CFAP20DC: variants seen among roughly 807,000 people sequenced by gnomAD.
CFAP20DC encodes the protein CFAP20 domain containing.
In CFAP20DC, 84 loss-of-function variants were observed where a neutral mutation model predicts 101.7. The observed-to-expected ratio is 0.83, with a 90% CI of 0.69 to 0.99. The LOEUF (loss-of-function observed/expected upper bound fraction) is 0.99, where lower values mean the gene tolerates loss of function less well. Ranked by LOEUF, CFAP20DC falls within the 50% of genes least tolerant of loss-of-function variation. The pLI is 0.00. For missense variants in CFAP20DC, 1,007 were observed against 970.3 expected, an observed-to-expected ratio of 1.04 and a Z score of -0.50; for synonymous variants, 359 against 351.2, an observed-to-expected ratio of 1.02 and a Z score of -0.25.
intron 3 of CFAP20DC, among the ~76,000 whole-genome samples, chr3:59,045,442 C>T (rs908928815): frequency 4.6e-5 from 7 of 151,812 alleles, no homozygotes; most frequent in Admixed American, 1.3e-4. Flanking sequence ...AAACATAGGA[C>T]GTAGTTGATG....
chr3:58,835,596 T>A (rs545504796), intron 13 of CFAP20DC, among the ~76,000 whole-genome samples: 185 of 152,308 alleles, frequency 1.2e-3, no homozygotes, highest in African/African-American at 3.9e-3. Context: ...ATGACTTTAT[T>A]TCATACAACA....
chr3:58,769,439 T>C (rs956865433), intron 15 of CFAP20DC, among the ~76,000 whole-genome samples: 4 of 152,210 alleles, frequency 2.6e-5, no homozygotes, highest in Non-Finnish European at 1.5e-5. Context: ...CTGGCCATCA[T>C]GTCTGACTTC....
At chr3:58,785,779 TAAG>T (rs145048639) in intron 15 of CFAP20DC, among the ~76,000 whole-genome samples, 1 of 152,212 alleles carries the variant, frequency 6.6e-6, no homozygotes, top group African/African-American at 2.4e-5. Flanking sequence ...CAAAGGCAAT[TAAG>T]AAGAAGCAAA....
At chr3:58,998,220 C>A (rs953511986) in intron 4 of CFAP20DC, among the ~76,000 whole-genome samples, 1 of 152,128 alleles carries the variant, frequency 6.6e-6, no homozygotes, top group African/African-American at 2.4e-5. Flanking sequence ...AGGAGGGACC[C>A]TCTCAATACA....
chr3:58,764,777 A>T (rs2070105727), intron 15 of CFAP20DC, among the ~76,000 whole-genome samples: 1 of 152,068 alleles, frequency 6.6e-6, no homozygotes, highest in African/African-American at 2.4e-5. Flanking sequence ...CTCTGAGCAC[A>T]TGCAGGAAGG....
At chr3:58,838,792 T>C (rs907236406) in intron 13 of CFAP20DC, among the ~76,000 whole-genome samples, 15 of 152,162 alleles carry the variant, frequency 9.9e-5, no homozygotes, top group Admixed American at 8.5e-4. Flanking sequence ...CCCGCACCTA[T>C]CTTCTGAGTT....
At chr3:58,807,745 T>A (rs1240037643) in intron 14 of CFAP20DC, among the ~76,000 whole-genome samples, 9 of 152,146 alleles carry the variant, frequency 5.9e-5, no homozygotes, top group African/African-American at 2.2e-4. Flanking sequence ...AGAAGAAGGC[T>A]TCAGATGATC....
intron 13 of CFAP20DC, among the ~76,000 whole-genome samples, chr3:58,836,699 A>G (rs970852112): frequency 2.0e-5 from 3 of 152,138 alleles, no homozygotes; most frequent in Non-Finnish European, 4.4e-5. Context: ...GTCATGGCCC[A>G]GGAGACATCA....
chr3:58,938,363 C>CAA (rs2088004952), intron 4 of CFAP20DC, among the ~76,000 whole-genome samples: 1 of 152,198 alleles, frequency 6.6e-6, no homozygotes, highest in African/African-American at 2.4e-5. Flanking sequence ...ATTTAGACCA[C>CAA]AGCCATGATC....
At chr3:58,885,064 C>T (rs548565238) in intron 6 of CFAP20DC, among the ~76,000 whole-genome samples, 22 of 152,142 alleles carry the variant, frequency 1.4e-4, no homozygotes, top group Admixed American at 9.8e-4. Context: ...TCTGGGAGTA[C>T]ATCAGCTTAT....
chr3:58,946,141 G>A (rs1360130452), intron 4 of CFAP20DC, among the ~76,000 whole-genome samples: 1 of 138,156 alleles, frequency 7.2e-6, no homozygotes, highest in Non-Finnish European at 1.5e-5. Context: ...TTTTGAGATG[G>A]AGTCTCACTT....
At chr3:58,931,210 G>C (rs1045066147) in intron 5 of CFAP20DC, among the ~76,000 whole-genome samples, 1 of 152,164 alleles carries the variant, frequency 6.6e-6, no homozygotes, top group African/African-American at 2.4e-5. Flanking sequence ...GTGGAAGCGA[G>C]GCTGGGGGAG....
intron 15 of CFAP20DC, among the ~76,000 whole-genome samples, chr3:58,780,266 C>T (rs1373995006): frequency 6.6e-6 from 1 of 151,990 alleles, no homozygotes; most frequent in African/African-American, 2.4e-5. Context: ...GTCATGAAAA[C>T]ACACAAATAT....
intron 13 of CFAP20DC, among the ~76,000 whole-genome samples, chr3:58,841,429 C>A (rs1447353422): frequency 6.6e-6 from 1 of 152,144 alleles, no homozygotes; most frequent in African/African-American, 2.4e-5. Flanking sequence ...AAATAATTTA[C>A]AAATTCATTT....
chr3:59,034,612 T>C (rs1465704249), intron 4 of CFAP20DC, among the ~76,000 whole-genome samples: 1 of 152,126 alleles, frequency 6.6e-6, no homozygotes, highest in African/African-American at 2.4e-5. Flanking sequence ...CATTACATAA[T>C]GGTAAAGGGA....
Position 58,814,280 on chromosome 3 carries a change from T to C in CFAP20DC, c.2176-7824A>G, listed in dbSNP as rs185986859. 4.3e-3 allele frequency among the ~76,000 whole-genome samples: 653 copies of C among 152,062 alleles called. 3 individuals are homozygous for C. Among genetic ancestry groups the C allele is most frequent in the Non-Finnish European group, 7.9e-3 (534 of 68,022 alleles). On this transcript the variant is annotated intron_variant, in intron 14 of 16. Transcript: ENST00000482387. ...GAAAATAGAAGTGGTTACAGAATCC[T>C]ATCTTGTTAGTGACTCAGCCCCTCC...
At chr3:58,739,460 A>C (rs544786405), downstream of CFAP20DC, among the ~76,000 whole-genome samples, 8 of 152,342 alleles carry the variant, frequency 5.3e-5, no homozygotes, top group South Asian at 1.7e-3. Context: ...AATGTTTGGT[A>C]CACACTTGAT....
At chr3:58,784,621 T>C (rs1278759818) in intron 15 of CFAP20DC, among the ~76,000 whole-genome samples, 1 of 152,164 alleles carries the variant, frequency 6.6e-6, no homozygotes, top group Admixed American at 6.6e-5. Context: ...AGTGCTGTGA[T>C]GAACATGACA....
At chr3:58,781,315 C>T (rs976654266) in intron 15 of CFAP20DC, among the ~76,000 whole-genome samples, 1 of 151,452 alleles carries the variant, frequency 6.6e-6, no homozygotes, top group African/African-American at 2.4e-5. Flanking sequence ...CAGCAATGAA[C>T]ATCTACATCA....
Sources: gnomAD v4.1 joint callset for allele counts (sites outside exome capture counted in the v4.1 genomes callset) on GRCh38, gnomAD v4.1.1 for gene constraint, MANE v1.5 for transcripts, NCBI Gene and HGNC (gene_info 2026-07-23, HGNC 2026-07-21) for gene names.